Variants in DUSP19 observed in about 807,000 individuals in gnomAD.
The protein encoded by DUSP19 is dual specificity protein phosphatase 19.
In DUSP19, 14 loss-of-function variants were observed where a neutral mutation model predicts 16.6. The ratio of observed to expected loss-of-function variants is 0.84; its 90% CI spans 0.56 to 1.32. The LOEUF is 1.32. DUSP19 is among the 40% of genes most tolerant of loss of function. The probability of loss-of-function intolerance (pLI) is 0.00; values close to 1 mark genes in which losing one functional copy is unlikely to be tolerated. For missense variants in DUSP19, 258 were observed against 255.9 expected, an observed-to-expected ratio of 1.01 and a Z score of -0.06; for synonymous variants, 81 against 90.5, an observed-to-expected ratio of 0.90 and a Z score of 0.59.
intron 3 of DUSP19, among the ~76,000 whole-genome samples, chr2:183,088,385 T>G (rs1489667773): frequency 6.6e-6 from 1 of 151,678 alleles, no homozygotes; most frequent in South Asian, 2.1e-4. Flanking sequence ...TTTTTTGTTT[T>G]TTGTTTTTTG....
chr2:183,083,862 G>C (rs957440159), intron 2 of DUSP19, among the ~76,000 whole-genome samples: 2 of 152,054 alleles, frequency 1.3e-5, no homozygotes, highest in African/African-American at 4.8e-5. Flanking sequence ...CCTCATCTCT[G>C]CTTGTCCAAG....
rs1245346349 is a variant in DUSP19 at position 183,097,042 on chromosome 2, T to C, written c.*1384T>C. On this transcript the variant is annotated 3_prime_UTR_variant, in exon 4 of 4. Transcript: ENST00000354221. ...TTTTTTCTTTTCTTTTTTTTTTTTT[T>C]CGAGACAGGGTCTTGCTCTGTCACC... The C allele has an allele frequency of 2.0e-5, 3 of 151,396 alleles. No individual in the cohort carries two copies. The highest frequency in any genetic ancestry group is 4.9e-5 in the African/African-American group (2 of 41,224). 9.4% of individuals were successfully genotyped at this position (151,396 alleles called of 1,614,324 possible). A position where few individuals can be genotyped will look rare whatever the true frequency, so the allele number is the denominator to read the frequency against.
intron 1 of DUSP19, among the ~76,000 whole-genome samples, chr2:183,082,944 G>A (rs528723826): frequency 6.9e-5 from 10 of 144,878 alleles, no homozygotes; most frequent in Admixed American, 1.4e-4. Context: ...CTGTGTCACC[G>A]AGGCTGGAGT....
intron 3 of DUSP19, 23 bp downstream of exon 3, chr2:183,087,215 G>A: frequency 6.3e-7 from 1 of 1,594,958 alleles, no homozygotes; most frequent in Non-Finnish European, 8.5e-7. Flanking sequence ...TTGATCCATA[G>A]TTCTGCAGAA....
chr2:183,079,221 T>C, intron 1 of DUSP19, 62 bp downstream of exon 1: 1 of 1,458,554 alleles, frequency 6.9e-7, no homozygotes, highest in Non-Finnish European at 9.4e-7. Context: ...GTTCTCATTT[T>C]CCCCCTTTAT....
intron 2 of DUSP19, among the ~76,000 whole-genome samples, chr2:183,084,021 G>A (rs1699627698): frequency 6.6e-6 from 1 of 152,064 alleles, no homozygotes; most frequent in South Asian, 2.1e-4. Flanking sequence ...TACTGTTTCA[G>A]GTCATGGAAT....
At position 183,087,033 on chromosome 2, in the gene DUSP19, C is replaced by G; in HGVS notation, c.274-7C>G. ...TAAAACAATCATCTTTTTTCTTTCTCTTTAAGGTGACTCATATTCTTAATG... is the reference window on the plus strand; with the variant it reads ...TAAAACAATCATCTTTTTTCTTTCTGTTTAAGGTGACTCATATTCTTAATG... On this transcript the variant is annotated splice_region_variant and splice_polypyrimidine_tract_variant and intron_variant, in intron 2 of 3. Coordinates refer to ENST00000354221, the MANE Select transcript of DUSP19 (RefSeq NM_080876.4). The G allele has an allele frequency of 2.5e-6, 4 of 1,605,760 alleles. No individual in the cohort carries two copies. Among genetic ancestry groups the G allele is most frequent in the Non-Finnish European group, 3.4e-6 (4 of 1,178,356 alleles).
At chr2:183,086,847 AAGAGAGAG>A (rs112053945) in intron 2 of DUSP19, among the ~76,000 whole-genome samples, 185 bp from the exon 3 acceptor site, 3 of 150,032 alleles carry the variant, frequency 2.0e-5, no homozygotes, top group African/African-American at 7.4e-5. Context: ...AATAAGTTAA[AAGAGAGAG>A]AGAGAGAGAG....
In DUSP19 at chr2:183,095,820, TA is replaced by T. The variant is rs1699793707; in HGVS notation, c.*165del. 2 of 458,352 alleles carry T rather than the reference TA, an allele frequency of 4.4e-6. No homozygotes were observed. Among genetic ancestry groups the T allele is most frequent in the Non-Finnish European group, 7.7e-6 (2 of 259,584 alleles). 28.4% of individuals were successfully genotyped at this position (458,352 alleles called of 1,614,324 possible). A position where few individuals can be genotyped will look rare whatever the true frequency, so the allele number is the denominator to read the frequency against. On this transcript the variant is annotated 3_prime_UTR_variant, in exon 4 of 4. Coordinates refer to ENST00000354221, the MANE Select transcript of DUSP19 (RefSeq NM_080876.4). Reference sequence around the variant, plus strand: ...TGATTGTCCTGACCTACTGTATAAGTAAATTTCAAATGTCATTACTTTCTCT... The same window carrying T: ...TGATTGTCCTGACCTACTGTATAAGTAATTTCAAATGTCATTACTTTCTCT...
At chr2:183,083,579 A>C (rs762453819) in intron 2 of DUSP19, 25 bp downstream of exon 2, 1 of 1,580,214 alleles carries the variant, frequency 6.3e-7, no homozygotes, top group East Asian at 2.2e-5. Context: ...TAAGTCTGGC[A>C]CCATATACAC....
chr2:183,097,759 G>A lies in DUSP19; in HGVS notation c.*2101G>A, dbSNP rs1407141969. ...GCCTTCTCCTTTCATAAGAAAGGAT[G>A]TATTTAAATACATTTTATTTTGCTA... On this transcript the variant is annotated 3_prime_UTR_variant, in exon 4 of 4. Transcript: ENST00000354221. The A allele has an allele frequency of 6.6e-6, 1 of 152,072 alleles. No homozygotes were observed. The highest frequency in any genetic ancestry group is 1.5e-5 in the Non-Finnish European group (1 of 68,014). 9.4% of individuals were successfully genotyped at this position (152,072 alleles called of 1,614,324 possible).
At chr2:183,094,233 A>G (rs186558684) in intron 3 of DUSP19, among the ~76,000 whole-genome samples, 1 of 152,344 alleles carries the variant, frequency 6.6e-6, no homozygotes, top group East Asian at 1.9e-4. Context: ...AATTTGTTAC[A>G]GCAGATCAAG....
rs552860116 is a variant in DUSP19, at chr2:183,090,337, C to T, written c.426+3145C>T. 2.0e-5 allele frequency among the ~76,000 whole-genome samples: 3 copies of T among 152,298 alleles called. No homozygotes were observed. The East Asian group carries it at 5.8e-4, about 29-fold the overall frequency. On this transcript the variant is annotated intron_variant, in intron 3 of 3. Coordinates refer to ENST00000354221, the MANE Select transcript of DUSP19 (RefSeq NM_080876.4). ...GTACTTGCAAAACTCTATTTGGCTT[C>T]TCTGTCCTTCCTTTATGCCTAAAGG... is the stretch of plus-strand genomic sequence containing the variant.
intron 2 of DUSP19, among the ~76,000 whole-genome samples, chr2:183,086,354 A>G (rs886437340): frequency 1.3e-5 from 2 of 152,072 alleles, no homozygotes; most frequent in Non-Finnish European, 2.9e-5. Context: ...TCACAGATTA[A>G]TTCAACAAAG....
chr2:183,090,096 G>A (rs922404531), intron 3 of DUSP19, among the ~76,000 whole-genome samples: 3 of 152,156 alleles, frequency 2.0e-5, no homozygotes, highest in African/African-American at 7.2e-5. Flanking sequence ...TTTAGTTTTA[G>A]CAATAAAAAT....
In DUSP19 at chr2:183,096,451, G is replaced by C. The variant is rs1031411055; in HGVS notation, c.*793G>C. The C allele has an allele frequency of 2.0e-5, 3 of 152,016 alleles. No homozygotes were observed. The highest frequency in any genetic ancestry group is 2.0e-4 in the Admixed American group (3 of 15,236). The allele number at this position is 152,016 out of a possible 1,614,324, so 9.4% of individuals were successfully genotyped here. A position where few individuals can be genotyped will look rare whatever the true frequency, so the allele number is the denominator to read the frequency against. ...GGAGTCTCACCACATAGGCCAGGCA[G>C]TCTCGAACTCCTGACCTCAGGTGAT... On this transcript the variant is annotated 3_prime_UTR_variant, in exon 4 of 4. Transcript: ENST00000354221.
At chr2:183,082,424 T>C (rs796686675) in intron 1 of DUSP19, among the ~76,000 whole-genome samples, 7 of 139,336 alleles carry the variant, frequency 5.0e-5, no homozygotes, top group East Asian at 2.0e-4. Flanking sequence ...TTTTTCTTTT[T>C]TTTTTTTTTT....
chr2:183,089,519 A>G (rs1389566850), intron 3 of DUSP19, among the ~76,000 whole-genome samples: 1 of 152,086 alleles, frequency 6.6e-6, no homozygotes, highest in African/African-American at 2.4e-5. Flanking sequence ...TTTTCAACCA[A>G]GTTGAGAATT....
chr2:183,095,473 G>A lies in DUSP19; in HGVS notation c.469G>A (p.Ala157Thr), dbSNP rs1699788219. The A allele has an allele frequency of 1.2e-6, 2 of 1,613,542 alleles. No homozygotes were observed. The highest frequency in any genetic ancestry group is 1.7e-6 in the Non-Finnish European group (2 of 1,179,768). The change falls in exon 4 of 4, where the codon GCT becomes ACT. Residue 157 changes from alanine to threonine, a missense_variant. Transcript: ENST00000354221. ...LVHCNAGVSR[A>T]AAIVIGFLMN... ...TCATTGTAATGCAGGCGTTTCCAGG[G>A]CTGCTGCAATTGTAATAGGTTTCCT... is the stretch of plus-strand genomic sequence containing the variant.
Sources: gnomAD v4.1 joint callset for allele counts (sites outside exome capture counted in the v4.1 genomes callset) on GRCh38, gnomAD v4.1.1 for gene constraint, MANE v1.5 for transcripts, NCBI Gene and HGNC (gene_info 2026-07-23, HGNC 2026-07-21) for gene names.